LRRC37B: variants seen among roughly 807,000 people sequenced by gnomAD.
LRRC37B encodes leucine rich repeat containing 37B.
LRRC37B carries 28 observed loss-of-function variants against 98.3 expected under a neutral mutation model. The ratio of observed to expected loss-of-function variants is 0.28; its 90% CI spans 0.21 to 0.39. The LOEUF is 0.39. LRRC37B is among the 10% of genes least tolerant of loss of function. The probability of loss-of-function intolerance (pLI) is 1.00; values close to 1 mark genes in which losing one functional copy is unlikely to be tolerated. For synonymous variants in LRRC37B, 364 were observed against 442.7 expected (o/e 0.82, Z 2.23); for missense variants, 938 against 1,182.7 (o/e 0.79, Z 3.03).
chr17:32,053,186 A>G (rs1245541084), intron 11 of LRRC37B, 80 bp from the exon 15 acceptor site: 1 of 942,236 alleles, frequency 1.1e-6, no homozygotes. Flanking sequence ...GAGACTTAAA[A>G]TGAATAAAAG....
At position 32,045,125 on chromosome 17, in the gene LRRC37B, CCT is replaced by C. The variant is rs1188720432; in HGVS notation, c.2205-572_2205-571del. 5.3e-5 allele frequency among the ~76,000 whole-genome samples: 8 copies of C among 151,808 alleles called. No individual in the cohort carries two copies. The East Asian group carries it at 1.6e-3, about 29-fold the overall frequency. ...ATTATTTCATTAAAGAACAACTCCC[CCT>C]CTTTTAAAATATCATTCTTCATGGA... On this transcript the variant is annotated intron_variant, in intron 7 of 11. Coordinates refer to ENST00000327564, the Ensembl canonical transcript of LRRC37B.
intron 7 of LRRC37B, 26 bp from the exon 11 acceptor site, chr17:32,045,674 T>C (rs1302447382): frequency 6.9e-6 from 11 of 1,603,952 alleles, no homozygotes; most frequent in Non-Finnish European, 9.3e-6. Flanking sequence ...TACCACTAAT[T>C]TATTGTTTTG....
upstream of LRRC37B, among the ~76,000 whole-genome samples, chr17:32,017,812 CA>C (rs534033163): frequency 4.7e-4 from 71 of 152,020 alleles, 1 homozygote; most frequent in South Asian, 0.013. Flanking sequence ...AGAAAACAAA[CA>C]AAAAAACGAA....
Position 32,021,879 on chromosome 17 carries a change from G to T in LRRC37B, c.814G>T (p.Ala272Ser), listed in dbSNP as rs199817945. The T allele has an allele frequency of 1.9e-5, 31 of 1,614,150 alleles. 1 individual carries two copies. In the East Asian group the frequency reaches 6.5e-4, roughly 34 times the overall value. The change falls in exon 1 of 12, where the codon GCA becomes TCA. Residue 272 changes from alanine to serine, a missense_variant. By Grantham distance (99) the Ala-to-Ser change is moderately conservative. This residue lies in a region of LRRC37B where 610 missense variants were observed against 625.6 expected (regional missense o/e 0.98). Coordinates refer to ENST00000327564, the Ensembl canonical transcript of LRRC37B. ...CCTACCTCCAGAACTCCGGGTGAACGCAGATGAGCCTCCAGGGCCTCCTGA... is the reference window on the plus strand; with the variant it reads ...CCTACCTCCAGAACTCCGGGTGAACTCAGATGAGCCTCCAGGGCCTCCTGA...
At chr17:32,035,475 T>G (rs532878040) in intron 6 of LRRC37B, 90 bp from the exon 10 acceptor site, 27 of 1,377,794 alleles carry the variant, frequency 2.0e-5, no homozygotes, top group Non-Finnish European at 2.7e-5. Flanking sequence ...GAAGCCAAAA[T>G]AGAAGTAATC....
intron 10 of LRRC37B, 121 bp from the exon 14 acceptor site, chr17:32,049,876 TAAAAAG>T (rs1290694145): frequency 8.6e-6 from 5 of 579,400 alleles, no homozygotes; most frequent in Non-Finnish European, 1.5e-5. Context: ...TCAAAAAAAA[TAAAAAG>T]AACAAAAGAA....
intron 1 of LRRC37B, among the ~76,000 whole-genome samples, chr17:32,011,551 G>A (rs1910526697): frequency 1.3e-5 from 2 of 151,542 alleles, no homozygotes; most frequent in African/African-American, 4.9e-5. Context: ...AGAATGGAGT[G>A]CAGTGGCACG....
chr17:32,014,967 A>G (rs536757529), intron 1 of LRRC37B, among the ~76,000 whole-genome samples: 106 of 152,250 alleles, frequency 7.0e-4, no homozygotes, highest in Non-Finnish European at 4.4e-5. Flanking sequence ...CCCCATCTCT[A>G]CAAAAAATAT....
At chr17:32,047,944 C>G in intron 9 of LRRC37B, 43 bp downstream of exon 12, 1 of 1,613,998 alleles carries the variant, frequency 6.2e-7, no homozygotes, top group East Asian at 2.2e-5. Flanking sequence ...GTTAGCAGTG[C>G]ACTAAGTTAC....
intron 7 of LRRC37B, chr17:32,042,733 C>A (rs1194179342): frequency 6.6e-6 from 1 of 151,952 alleles, no homozygotes; most frequent in Non-Finnish European, 1.5e-5. Context: ...ATGAAGGGCA[C>A]AGACACCCTG....
chr17:32,027,474 TGTGTGCTTGTGTGTGG>T (rs989692012), intron 2 of LRRC37B, among the ~76,000 whole-genome samples: 4 of 147,994 alleles, frequency 2.7e-5, no homozygotes, highest in East Asian at 2.0e-4. Flanking sequence ...CTTGCCTGTG[TGTGTGCTTGTGTGTGG>T]GTGTGCTTGT....
At chr17:32,035,621 C>A (rs1377257263) in exon 7 of LRRC37B, 6 of 1,610,002 alleles carry the variant, frequency 3.7e-6, no homozygotes, top group Non-Finnish European at 2.5e-6. Context: ...CTCACGATGA[C>A]TGTTGAACTG....
upstream of LRRC37B, among the ~76,000 whole-genome samples, chr17:32,007,428 G>C (rs556664133): frequency 2.0e-5 from 3 of 152,264 alleles, no homozygotes; most frequent in South Asian, 4.1e-4. The surrounding 1 kb of genome is among the most constrained non-coding windows in gnomAD (Gnocchi z 4.1). Context: ...GGTTGAAGGC[G>C]ATCTTGAGTG....
chr17:32,017,783 C>A (rs1425741655), upstream of LRRC37B, among the ~76,000 whole-genome samples: 1 of 151,980 alleles, frequency 6.6e-6, no homozygotes, highest in African/African-American at 2.4e-5. Flanking sequence ...CAGAGTGAGA[C>A]CCAGTCTCCA....
At chr17:32,047,131 A>G (rs1411788789) in intron 8 of LRRC37B, 2 of 158,516 alleles carry the variant, frequency 1.3e-5, no homozygotes, top group Non-Finnish European at 2.8e-5. Flanking sequence ...TAAGGTGGAC[A>G]CAGTGTTTTT....
chr17:32,049,614 C>G (rs918857600), intron 10 of LRRC37B, among the ~76,000 whole-genome samples: 18 of 152,262 alleles, frequency 1.2e-4, no homozygotes, highest in Non-Finnish European at 1.5e-4. Context: ...TGCCTGTAAT[C>G]CCAGCACTTT....
chr17:32,021,839 A>G (rs1475546796), exon 1 of LRRC37B: 5 of 1,614,160 alleles, frequency 3.1e-6, no homozygotes, highest in Non-Finnish European at 4.2e-6. Flanking sequence ...GTATGGACAC[A>G]CTGTATCCCG....
intron 8 of LRRC37B, 194 bp from the exon 12 acceptor site, chr17:32,047,567 G>A (rs1911622417): frequency 1.4e-6 from 1 of 704,434 alleles, no homozygotes; most frequent in Non-Finnish European, 2.4e-6. Flanking sequence ...TTCCAAGTAG[G>A]TGGCCATGTC....
intron 4 of LRRC37B, among the ~76,000 whole-genome samples, chr17:32,030,981 C>T (rs933568219): frequency 1.3e-5 from 2 of 152,178 alleles, no homozygotes; most frequent in East Asian, 3.8e-4. Context: ...TGTCCAGAGA[C>T]ACTTTTGCTT....
Sources: gnomAD v4.1 joint callset for allele counts (sites outside exome capture counted in the v4.1 genomes callset) on GRCh38, gnomAD v4.1.1 for gene constraint, gnomAD v4.1.1 regional missense constraint, Gnocchi (gnomAD v3.1) non-coding constraint, MANE v1.5 for transcripts, NCBI Gene and HGNC (gene_info 2026-07-23, HGNC 2026-07-21) for gene names.